The following ROBO2 variants were observed in gnomAD, a reference collection of about 807,000 sequenced individuals.
The protein encoded by ROBO2 is roundabout homolog 2.
Under a neutral mutation model 160.8 loss-of-function variants are expected in ROBO2, and 53 were observed. The observed-to-expected ratio is 0.33, with a 90% CI of 0.26 to 0.41. ROBO2 has a LOEUF of 0.41. Among genes scored for constraint, ROBO2 ranks in the 10% least tolerant of loss-of-function variants. The pLI is 1.00. For synonymous variants in ROBO2, 664 were observed against 611.7 expected (o/e 1.09, Z -1.26); for missense variants, 1,577 against 1,722.4 (o/e 0.92, Z 1.49).
chr3:75,976,193 A>G (rs1400012059), intron 2 of ROBO2, among the ~76,000 whole-genome samples: 2 of 151,660 alleles, frequency 1.3e-5, no homozygotes. Context: ...GACTATGCAT[A>G]TACTATGACC....
intron 2 of ROBO2, among the ~76,000 whole-genome samples, chr3:76,453,005 C>T (rs1319572321): frequency 1.3e-5 from 2 of 152,060 alleles, no homozygotes; most frequent in African/African-American, 4.8e-5. Flanking sequence ...GTCCTTTGCC[C>T]ACTTTTTGAT....
chr3:75,930,724 T>G (rs1202980703), intron 1 of ROBO2, among the ~76,000 whole-genome samples: 1 of 152,200 alleles, frequency 6.6e-6, no homozygotes, highest in Admixed American at 6.5e-5. Context: ...TGCTAGATGC[T>G]TATAAGTCAT....
At chr3:76,398,840 T>A (rs879607605) in intron 2 of ROBO2, among the ~76,000 whole-genome samples, 153 of 151,962 alleles carry the variant, frequency 1.0e-3, no homozygotes, top group South Asian at 2.1e-3. Flanking sequence ...GTATATTCTG[T>A]TAGTTTAATA....
chr3:76,482,764 G>A (rs1199609504), intron 2 of ROBO2, among the ~76,000 whole-genome samples: 1 of 152,026 alleles, frequency 6.6e-6, no homozygotes, highest in African/African-American at 2.4e-5. Flanking sequence ...AAGCTTATGG[G>A]TTATCTTCCA....
At chr3:76,773,587 A>T (rs376208540) in intron 2 of ROBO2, among the ~76,000 whole-genome samples, 2 of 141,372 alleles carry the variant, frequency 1.4e-5, no homozygotes, top group Non-Finnish European at 3.1e-5. Flanking sequence ...ATTTTTTTTT[A>T]ATTTTGCAGC....
At chr3:76,084,980 T>C (rs1422616360) in intron 2 of ROBO2, among the ~76,000 whole-genome samples, 1 of 152,108 alleles carries the variant, frequency 6.6e-6, no homozygotes, top group Non-Finnish European at 1.5e-5. Context: ...ATTTAGGCTT[T>C]TTAAAAAAAA....
chr3:76,627,866 AT>A (rs1260391152), intron 2 of ROBO2, among the ~76,000 whole-genome samples: 1 of 152,014 alleles, frequency 6.6e-6, no homozygotes, highest in Non-Finnish European at 1.5e-5. Flanking sequence ...GTTTTAAGGG[AT>A]TTTTTTCTTG....
intron 2 of ROBO2, among the ~76,000 whole-genome samples, chr3:76,407,504 G>A (rs999049529): frequency 2.0e-5 from 3 of 151,790 alleles, no homozygotes; most frequent in African/African-American, 4.8e-5. Context: ...ACTGGAAATG[G>A]CATAAAAATG....
chr3:77,205,439 G>T (rs1047201132), intron 2 of ROBO2, among the ~76,000 whole-genome samples: 1 of 151,898 alleles, frequency 6.6e-6, no homozygotes, highest in East Asian at 2.0e-4. Context: ...CTGTTCATCT[G>T]CTTGTCTCTC....
At chr3:77,236,852 T>A (rs1435896992) in intron 2 of ROBO2, among the ~76,000 whole-genome samples, 2 of 152,190 alleles carry the variant, frequency 1.3e-5, no homozygotes, top group Admixed American at 6.5e-5. Context: ...GTTTATTCCA[T>A]ATTTCATTGT....
chr3:76,631,167 AT>A (rs1351965129), intron 2 of ROBO2, among the ~76,000 whole-genome samples: 2 of 152,334 alleles, frequency 1.3e-5, no homozygotes, highest in East Asian at 3.9e-4. Flanking sequence ...ATTTTATGAT[AT>A]TTAAAGGAAA....
chr3:76,960,638 T>A (rs1204900490), intron 2 of ROBO2, among the ~76,000 whole-genome samples: 1 of 152,122 alleles, frequency 6.6e-6, no homozygotes, highest in African/African-American at 2.4e-5. Context: ...CAAACTGAAG[T>A]CAACCTTATT....
At chr3:77,098,074 T>C in exon 2 of ROBO2, 9 of 1,600,198 alleles carry the variant, frequency 5.6e-6, no homozygotes, top group Non-Finnish European at 7.7e-6. Flanking sequence ...TCCGATGTCA[T>C]CGTCTCTAAG....
At chr3:77,041,404 C>G (rs148698314) in intron 1 of ROBO2, among the ~76,000 whole-genome samples, 78 of 152,322 alleles carry the variant, frequency 5.1e-4, no homozygotes, top group Non-Finnish European at 9.4e-4. Context: ...CTGGGCGAGG[C>G]TCCACGAAGG....
chr3:77,277,161 T>TTTCTTTCTTTCTTTCTTTCTTTC lies in ROBO2; in HGVS notation c.388+178824_388+178846dup, dbSNP rs1560407816. On this transcript the variant is annotated intron_variant, in intron 2 of 25. Transcript: ENST00000461745. The stretch of plus-strand genomic sequence containing the variant: ...TCTTCCTTCTTTCCTTCTTTCCTTC[T>TTTCTTTCTTTCTTTCTTTCTTTC]TTCTTTCTTTCTTTCTTTCTTTCTT... Among the ~76,000 whole-genome samples, 214 of 86,556 alleles carry TTTCTTTCTTTCTTTCTTTCTTTC rather than the reference T, an allele frequency of 2.5e-3. 1 individual carries two copies. Among genetic ancestry groups the TTTCTTTCTTTCTTTCTTTCTTTC allele is most frequent in the African/African-American group, 4.6e-3 (93 of 20,208 alleles). 56.8% of individuals were successfully genotyped at this position (86,556 alleles called of 152,430 possible).
intron 2 of ROBO2, among the ~76,000 whole-genome samples, chr3:76,359,890 T>C (rs2075402975): frequency 6.6e-6 from 1 of 152,020 alleles, no homozygotes; most frequent in South Asian, 2.1e-4. Flanking sequence ...AGTTATAACA[T>C]TATATGCAGT....
At chr3:76,834,057 C>CT (rs1473247080) in intron 2 of ROBO2, among the ~76,000 whole-genome samples, 36 of 116,384 alleles carry the variant, frequency 3.1e-4, no homozygotes, top group African/African-American at 4.9e-4. Flanking sequence ...TCTCTCCTTT[C>CT]TTTCTTTTCT....
chr3:76,009,879 C>T (rs1185320486), intron 2 of ROBO2, among the ~76,000 whole-genome samples: 3 of 152,094 alleles, frequency 2.0e-5, no homozygotes, highest in Non-Finnish European at 4.4e-5. Flanking sequence ...TTATTTTTTT[C>T]ACTTGAGTTA....
intron 6 of ROBO2, among the ~76,000 whole-genome samples, chr3:77,539,398 A>T (rs2092349284): frequency 6.6e-6 from 1 of 152,202 alleles, no homozygotes; most frequent in African/African-American, 2.4e-5. Context: ...GTATTCAGGT[A>T]ACATACTTGA....
Sources: gnomAD v4.1 joint callset for allele counts (sites outside exome capture counted in the v4.1 genomes callset) on GRCh38, gnomAD v4.1.1 for gene constraint, MANE v1.5 for transcripts, NCBI Gene and HGNC (gene_info 2026-07-23, HGNC 2026-07-21) for gene names.